CPT1B: variants seen among roughly 807,000 people sequenced by gnomAD.
CPT1B encodes the protein carnitine palmitoyltransferase 1B.
In CPT1B, 57 loss-of-function variants were observed where a neutral mutation model predicts 92.7. The observed-to-expected ratio is 0.62, with a 90% CI of 0.50 to 0.77. The LOEUF (loss-of-function observed/expected upper bound fraction) is 0.77. Among genes scored for constraint, CPT1B ranks in the 30% least tolerant of loss-of-function variants. The probability of loss-of-function intolerance (pLI) is 0.00; values close to 1 mark genes in which losing one functional copy is unlikely to be tolerated. For synonymous variants in CPT1B, 398 were observed against 383.5 expected, an observed-to-expected ratio of 1.04 and a Z score of -0.44; for missense variants, 983 against 1,017.4, an observed-to-expected ratio of 0.97 and a Z score of 0.46.
intron 19 of CPT1B, 38 bp downstream of exon 19, chr22:50,569,298 C>T (rs887530122): frequency 6.2e-7 from 1 of 1,602,794 alleles, no homozygotes. Flanking sequence ...CCTTCCTCCA[C>T]AGTGTGGGGA....
chr22:50,571,980 A>G, intron 13 of CPT1B, 26 bp downstream of exon 13: 4 of 1,603,548 alleles, frequency 2.5e-6, no homozygotes, highest in Non-Finnish European at 3.4e-6. Context: ...GTGGTCTCAC[A>G]CCTGCTCTGG....
At chr22:50,576,463 G>A (rs2070441605) in intron 5 of CPT1B, 73 bp downstream of exon 5, 3 of 1,600,184 alleles carry the variant, frequency 1.9e-6, no homozygotes, top group Admixed American at 3.4e-5. Context: ...TCTTTGCACA[G>A]AACCTTATAT....
Position 50,576,261 on chromosome 22 carries a change from C to T in CPT1B, c.636G>A (p.Gln212=). Residue 212 remains glutamine (Q), a synonymous_variant, in exon 6 of 20, where the codon CAG becomes CAA. Transcript: ENST00000312108. ...YRMELLAKEF[Q]DKTAPRLQKY... is the part of the protein sequence containing the mutation. ...TCTGCAGCCTGGGGGCAGTCTTGTCCTGGAATTCTTTGGCCAGCAACTCCA... is the reference window on the plus strand; with the variant it reads ...TCTGCAGCCTGGGGGCAGTCTTGTCTTGGAATTCTTTGGCCAGCAACTCCA... 6.2e-7 allele frequency: 1 copy of T among 1,614,084 alleles called. No individual in the cohort carries two copies.
In CPT1B at chr22:50,573,206, G is replaced by T; in HGVS notation, c.1167-146C>A. 1.4e-6 allele frequency: 1 copy of T among 708,794 alleles called. No homozygotes were observed. Among genetic ancestry groups the T allele is most frequent in the Non-Finnish European group, 2.3e-6 (1 of 435,748 alleles). 43.9% of individuals were successfully genotyped at this position (708,794 alleles called of 1,614,324 possible). A position where few individuals can be genotyped will look rare whatever the true frequency, so the allele number is the denominator to read the frequency against. On this transcript the variant is annotated intron_variant, in intron 10 of 19. Coordinates refer to ENST00000312108, the MANE Select transcript of CPT1B (RefSeq NM_152246.3). The surrounding 1 kb of genome is among the most constrained non-coding windows in gnomAD (Gnocchi z 5.0). ...CCACGCTGGACCTGGAGATGTGGGG[G>T]TGCCAGGCTGGGCCTGGAGGTGTTG... is the stretch of plus-strand genomic sequence containing the variant.
chr22:50,572,456 T>C lies in CPT1B; in HGVS notation c.1353-148A>G, dbSNP rs2146620842. 4.8e-6 allele frequency: 3 copies of C among 627,978 alleles called. No individual in the cohort carries two copies. The East Asian group carries it at 8.3e-5, about 17-fold the overall frequency. The allele number at this position is 627,978 out of a possible 1,614,324, so 38.9% of individuals were successfully genotyped here. The stretch of plus-strand genomic sequence containing the variant: ...TTTTTAAATTGAGATGGAATCTTGC[T>C]CTGTTGCCCAGGCTGGAGTGCAGTG... On this transcript the variant is annotated intron_variant, in intron 11 of 19. Coordinates refer to ENST00000312108, the MANE Select transcript of CPT1B (RefSeq NM_152246.3).
In CPT1B at chr22:50,573,457, CG is replaced by C. The variant is rs1387954003; in HGVS notation, c.1166+62del. On this transcript the variant is annotated intron_variant, in intron 10 of 19. Coordinates refer to ENST00000312108, the MANE Select transcript of CPT1B (RefSeq NM_152246.3). This position sits in a 1 kb window ranked among gnomAD's most constrained non-coding sequence, Gnocchi z 5.0. ...AGTTCCAGGGTGGCAGGCAGGGCCA[CG>C]CTCCTCTCCTCACGGAGCCCTGAAC... 1 of 1,451,800 alleles carries C rather than the reference CG, an allele frequency of 6.9e-7. No individual in the cohort carries two copies. Among genetic ancestry groups the C allele is most frequent in the Non-Finnish European group, 9.3e-7 (1 of 1,074,170 alleles). 89.9% of individuals were successfully genotyped at this position (1,451,800 alleles called of 1,614,324 possible). A position where few individuals can be genotyped will look rare whatever the true frequency, so the allele number is the denominator to read the frequency against.
intron 6 of CPT1B, 42 bp downstream of exon 6, chr22:50,576,156 G>A (rs1236005606): frequency 1.2e-6 from 2 of 1,614,068 alleles, no homozygotes. Flanking sequence ...GTGCAGCCAG[G>A]ACACATGGCA....
intron 2 of CPT1B, 93 bp from the exon 3 acceptor site, chr22:50,577,556 G>A (rs373344036): frequency 1.3e-6 from 2 of 1,530,054 alleles, no homozygotes; most frequent in Non-Finnish European, 1.8e-6. Flanking sequence ...TCTTGGCCTG[G>A]AAGGCTTTCT....
In CPT1B at chr22:50,576,018, G is replaced by A. The variant is rs2070412674; in HGVS notation, c.777+17C>T. The A allele has an allele frequency of 6.2e-7, 1 of 1,613,048 alleles. No individual in the cohort carries two copies. The highest frequency in any genetic ancestry group is 1.7e-5 in the Admixed American group (1 of 60,018). ...AGAGCTGAGCACGTGCGGGGACCTG[G>A]GGGCTCTAGTTCATACCATGACATA... is the stretch of plus-strand genomic sequence containing the variant. On this transcript the variant is annotated intron_variant, in intron 7 of 19. Coordinates refer to ENST00000312108, the MANE Select transcript of CPT1B (RefSeq NM_152246.3).
chr22:50,578,226 G>A (rs1453310478), intron 1 of CPT1B, 160 bp downstream of exon 1: 1 of 154,042 alleles, frequency 6.5e-6, no homozygotes, highest in African/African-American at 2.4e-5. Flanking sequence ...GCGGGCAGGG[G>A]AGAGAGGCGC....
Position 50,573,249 on chromosome 22 carries a change from C to G in CPT1B, c.1167-189G>C, listed in dbSNP as rs1169332090. 3 of 427,888 alleles carry G rather than the reference C, an allele frequency of 7.0e-6. No individual in the cohort carries two copies. Among genetic ancestry groups the G allele is most frequent in the South Asian group, 9.8e-5 (2 of 20,436 alleles). The allele number at this position is 427,888 out of a possible 1,614,324, so 26.5% of individuals were successfully genotyped here. A position where few individuals can be genotyped will look rare whatever the true frequency, so the allele number is the denominator to read the frequency against. On this transcript the variant is annotated intron_variant, in intron 10 of 19. Transcript: ENST00000312108. The surrounding 1 kb of genome is among the most constrained non-coding windows in gnomAD (Gnocchi z 5.0). Reference sequence around the variant, plus strand: ...AGGTGTTGGGGTGCGTGCCAGGCTGCGCCTGGAGGTGGGGGTGTGTGTGCC... The same window carrying G: ...AGGTGTTGGGGTGCGTGCCAGGCTGGGCCTGGAGGTGGGGGTGTGTGTGCC...
rs1441515126 is a variant in CPT1B at position 50,577,784 on chromosome 22, G to C, written c.132C>G (p.Ile44Met). ...SGINSWKKRL[I>M]RIKNGILRGV... The stretch of plus-strand genomic sequence containing the variant: ...AAGCACCTGTGCGCACCTTGATGCG[G>C]ATCAGGCGTTTCTTCCAGGAGTTGA... Residue 44 changes from isoleucine (I) to methionine (M), a missense_variant, in exon 2 of 20, where the codon ATC (isoleucine) becomes ATG (methionine). Coordinates refer to ENST00000312108, the MANE Select transcript of CPT1B (RefSeq NM_152246.3). 4 of 1,613,700 alleles carry C rather than the reference G, an allele frequency of 2.5e-6. No individual in the cohort carries two copies. Among genetic ancestry groups the C allele is most frequent in the Admixed American group, 3.3e-5 (2 of 60,008 alleles).
rs2070526321 is a variant in CPT1B, at chr22:50,577,785, A to C, written c.131T>G (p.Ile44Ser). 6.2e-7 allele frequency: 1 copy of C among 1,613,840 alleles called. No individual in the cohort carries two copies. ...SGINSWKKRLIRIKNGILRGV... is the reference protein window; with the variant it reads ...SGINSWKKRLSRIKNGILRGV... Reference sequence around the variant, plus strand: ...AGCACCTGTGCGCACCTTGATGCGGATCAGGCGTTTCTTCCAGGAGTTGAT... The same window carrying C: ...AGCACCTGTGCGCACCTTGATGCGGCTCAGGCGTTTCTTCCAGGAGTTGAT... The change falls in exon 2 of 20, where the codon ATC becomes AGC. Residue 44 changes from isoleucine (I) to serine (S), a missense_variant. Transcript: ENST00000312108.
chr22:50,570,347 C>G lies in CPT1B; in HGVS notation c.2088G>C (p.Met696Ile), dbSNP rs1404427712. The change falls in exon 17 of 20, where the codon ATG (methionine) becomes ATC (isoleucine). Residue 696 changes from methionine to isoleucine, a missense_variant. Coordinates refer to ENST00000312108, the MANE Select transcript of CPT1B (RefSeq NM_152246.3). ...GATTGGGGTGCTGCTCTGGGTCGAA[C>G]ATGCGGATCTGGGATTGGGGGATCT... The part of the protein sequence containing the change: ...TSQIPQSQIR[M>I]FDPEQHPNHL... 6.2e-7 allele frequency: 1 copy of G among 1,608,416 alleles called. No homozygotes were observed. Among genetic ancestry groups the G allele is most frequent in the African/African-American group, 1.3e-5 (1 of 74,806 alleles).
In CPT1B at chr22:50,576,851, G is replaced by T; in HGVS notation, c.459+6C>A. Reference sequence around the variant, plus strand: ...TGCCTGAACCCCTCCACTGGCTGCTGCTCACAGCCCAGATCCTGGTCAAGT... The same window carrying T: ...TGCCTGAACCCCTCCACTGGCTGCTTCTCACAGCCCAGATCCTGGTCAAGT... On this transcript the variant is annotated splice_donor_region_variant and intron_variant, in intron 4 of 19. Coordinates refer to ENST00000312108, the MANE Select transcript of CPT1B (RefSeq NM_152246.3). The T allele has an allele frequency of 6.2e-7, 1 of 1,613,784 alleles. No individual in the cohort carries two copies. The highest frequency in any genetic ancestry group is 8.5e-7 in the Non-Finnish European group (1 of 1,179,952).
Position 50,571,027 on chromosome 22 carries a change from T to A in CPT1B, c.1892A>T (p.Asp631Val). The A allele has an allele frequency of 6.2e-7, 1 of 1,613,990 alleles. No individual in the cohort carries two copies. The highest frequency in any genetic ancestry group is 1.6e-4 in the Middle Eastern group (1 of 6,062). ...CTTCTTAGCAGCCTTCTGGAAGAGA[T>A]CTCGCAGGTCTGCTTTCTGCGGGGC... Reference protein sequence around the residue: ...EGSHTKADLRDLFQKAAKKHQ... With the variant: ...EGSHTKADLRVLFQKAAKKHQ... Residue 631 changes from aspartate (D) to valine (V), a missense_variant, in exon 16 of 20, where the codon GAT becomes GTT. Asp to Val is a radical substitution (Grantham distance 152, BLOSUM62 -3). Coordinates refer to ENST00000312108, the MANE Select transcript of CPT1B (RefSeq NM_152246.3).
At position 50,572,101 on chromosome 22, in the gene CPT1B, A is replaced by G. The variant is rs1168924986; in HGVS notation, c.1480T>C (p.Phe494Leu). 1 of 1,613,976 alleles carries G rather than the reference A, an allele frequency of 6.2e-7. No individual in the cohort carries two copies. ...CCGGTCTCCGTGTAGCCCAGGTGGA[A>G]GCTGTCTGTGCCCAGGACAAACTGC... Reference protein sequence around the residue: ...LWEFVLGTDSFHLGYTETGHC... With the variant: ...LWEFVLGTDSLHLGYTETGHC... Residue 494 changes from phenylalanine (F) to leucine (L), a missense_variant, in exon 13 of 20, where the codon TTC becomes CTC. By Grantham distance (22) the Phe-to-Leu change is conservative. Coordinates refer to ENST00000312108, the MANE Select transcript of CPT1B (RefSeq NM_152246.3).
intron 16 of CPT1B, among the ~76,000 whole-genome samples, 200 bp from the exon 17 acceptor site, chr22:50,570,606 C>T (rs1199533589): frequency 6.6e-6 from 1 of 152,200 alleles, no homozygotes; most frequent in African/African-American, 2.4e-5. Flanking sequence ...TCTGCCTCTC[C>T]CCCACATAGC....
At position 50,573,745 on chromosome 22, in the gene CPT1B, CG is replaced by C; in HGVS notation, c.971-31del. The C allele has an allele frequency of 6.3e-7, 1 of 1,597,168 alleles. No homozygotes were observed. The highest frequency in any genetic ancestry group is 8.5e-7 in the Non-Finnish European group (1 of 1,170,822). ...GATACAGGCCACGGGCAAGCTGAGG[CG>C]GGGCCCCCAGCTACATCCTGGGAAG... On this transcript the variant is annotated intron_variant, in intron 9 of 19. Transcript: ENST00000312108. This position sits in a 1 kb window ranked among gnomAD's most constrained non-coding sequence, Gnocchi z 5.0.
Sources: gnomAD v4.1 joint callset for allele counts (sites outside exome capture counted in the v4.1 genomes callset) on GRCh38, gnomAD v4.1.1 for gene constraint, Gnocchi (gnomAD v3.1) non-coding constraint, MANE v1.5 for transcripts, NCBI Gene and HGNC (gene_info 2026-07-23, HGNC 2026-07-21) for gene names.